The following MRPL15 variants were observed in gnomAD, a reference collection of about 807,000 sequenced individuals.
MRPL15 encodes the protein large ribosomal subunit protein uL15m.
MRPL15 carries 24 observed loss-of-function variants against 28.0 expected under a neutral mutation model. The ratio of observed to expected loss-of-function variants is 0.86; its 90% CI spans 0.62 to 1.21. The LOEUF (loss-of-function observed/expected upper bound fraction) is 1.21, where lower values mean the gene tolerates loss of function less well. MRPL15 is among the 50% of genes most tolerant of loss of function. The probability of loss-of-function intolerance (pLI) is 0.00; values close to 1 mark genes in which losing one functional copy is unlikely to be tolerated. For missense variants in MRPL15, 343 were observed against 372.4 expected (o/e 0.92, Z 0.65); for synonymous variants, 124 against 137.0 (o/e 0.90, Z 0.66).
Position 54,147,366 on chromosome 8 carries a change from T to A in MRPL15, c.554-16T>A. On this transcript the variant is annotated splice_polypyrimidine_tract_variant and intron_variant, in intron 4 of 4. Coordinates refer to ENST00000260102, the MANE Select transcript of MRPL15 (RefSeq NM_014175.4). ...AATATTTGCATCTCACTTTTTAAAT[T>A]TAAATTTTCTTTTAGACATTGTATG... The A allele has an allele frequency of 6.4e-7, 1 of 1,574,172 alleles. No homozygotes were observed.
At chr8:54,137,471 G>A (rs1201974503) in intron 3 of MRPL15, 38 bp downstream of exon 3, 7 of 1,592,362 alleles carry the variant, frequency 4.4e-6, no homozygotes, top group Non-Finnish European at 5.1e-6. Flanking sequence ...TATATAGGAG[G>A]ATTTTTTTTT....
At chr8:54,139,117 A>G (rs1346674847) in intron 3 of MRPL15, among the ~76,000 whole-genome samples, 4 of 152,080 alleles carry the variant, frequency 2.6e-5, no homozygotes, top group African/African-American at 4.8e-5. Flanking sequence ...CTCTTGTCTT[A>G]GCCTTCCAAG....
rs1383870632 is a variant in MRPL15, at chr8:54,137,329, C to A, written c.325C>A (p.Arg109Ser). Residue 109 changes from arginine (R) to serine (S), a missense_variant, in exon 3 of 5, where the codon CGT becomes AGT. Coordinates refer to ENST00000260102, the MANE Select transcript of MRPL15 (RefSeq NM_014175.4). The part of the protein sequence containing the change: ...NRLQYLIDLG[R>S]VDPSQPIDLT... ...ACTGCAGTATCTTATTGATTTGGGT[C>A]GTGTTGATCCTAGTCAACCTATTGA... The A allele has an allele frequency of 4.3e-6, 7 of 1,613,884 alleles. No individual in the cohort carries two copies. Among genetic ancestry groups the A allele is most frequent in the South Asian group, 2.2e-5 (2 of 91,060 alleles).
chr8:54,137,166 A>C (rs1294725402), intron 2 of MRPL15, 102 bp from the exon 3 acceptor site: 5 of 1,208,628 alleles, frequency 4.1e-6, no homozygotes, highest in African/African-American at 1.5e-5. Context: ...TTGTTTAGTT[A>C]AATAAAATTG....
chr8:54,146,551 G>A (rs1343647137), intron 4 of MRPL15, among the ~76,000 whole-genome samples: 4 of 152,160 alleles, frequency 2.6e-5, no homozygotes, highest in Non-Finnish European at 5.9e-5. Context: ...TGTGTGAATG[G>A]ATTCTGTGGA....
chr8:54,137,195 C>T, intron 2 of MRPL15, 73 bp from the exon 3 acceptor site: 1 of 1,450,342 alleles, frequency 6.9e-7, no homozygotes, highest in Non-Finnish European at 9.5e-7. Flanking sequence ...AAACACAAGA[C>T]AAAGCTTTGA....
intron 1 of MRPL15, 130 bp from the exon 2 acceptor site, chr8:54,136,381 T>G (rs776891262): frequency 1.2e-4 from 116 of 966,574 alleles, no homozygotes; most frequent in Admixed American, 4.4e-4. Flanking sequence ...AACTAGGACA[T>G]GCTTGACACA....
chr8:54,135,412 C>T, intron 1 of MRPL15, 21 bp downstream of exon 1: 1 of 1,520,066 alleles, frequency 6.6e-7, no homozygotes, highest in African/African-American at 1.4e-5. Flanking sequence ...GGTGGCGGTG[C>T]GGGGAAGCGC....
intron 3 of MRPL15, 82 bp downstream of exon 3, chr8:54,137,515 G>T: frequency 7.5e-7 from 1 of 1,327,906 alleles, no homozygotes; most frequent in Non-Finnish European, 1.0e-6. Context: ...CTGAGCTGGA[G>T]TACAGTGGCG....
chr8:54,146,530 A>G (rs570803582), intron 4 of MRPL15, among the ~76,000 whole-genome samples: 2 of 152,272 alleles, frequency 1.3e-5, no homozygotes, highest in African/African-American at 4.8e-5. Flanking sequence ...TTGTATACCA[A>G]ATACTATACA....
rs551012255 is a variant in MRPL15 at position 54,137,975 on chromosome 8, G to C, written c.429+542G>C. 2.6e-3 allele frequency among the ~76,000 whole-genome samples: 392 copies of C among 151,772 alleles called. 2 individuals carry two copies. The highest frequency in any genetic ancestry group is 9.0e-3 in the African/African-American group (371 of 41,386). On this transcript the variant is annotated intron_variant, in intron 3 of 4. Coordinates refer to ENST00000260102, the MANE Select transcript of MRPL15 (RefSeq NM_014175.4). ...CTTTTTTTTTTGTTTTTGTTTTTGA[G>C]ATGGAGTCTCGCTCTGTTGCCCAGG...
intron 4 of MRPL15, 162 bp downstream of exon 4, chr8:54,142,948 G>T (rs1810956151): frequency 1.9e-6 from 2 of 1,066,680 alleles, no homozygotes; most frequent in African/African-American, 3.2e-5. Flanking sequence ...ACAGCCTGTT[G>T]CTGACACATA....
intron 4 of MRPL15, among the ~76,000 whole-genome samples, chr8:54,145,403 G>C (rs1333265878): frequency 6.6e-6 from 1 of 151,892 alleles, no homozygotes; most frequent in Non-Finnish European, 1.5e-5. Flanking sequence ...TAAAGATAGG[G>C]GTCTTACTGT....
chr8:54,147,691 A>G lies in MRPL15; in HGVS notation c.863A>G (p.Glu288Gly), dbSNP rs535719727. ...AAGAAAATCCTAAAACCTACAGATG[A>G]AAATCTCCTTAAGTATTATACCTCA... is the stretch of plus-strand genomic sequence containing the variant. ...ADKKILKPTD[E>G]NLLKYYTS The change falls in exon 5 of 5, where the codon GAA becomes GGA. Residue 288 changes from glutamate to glycine, a missense_variant. Physicochemically the swap from Glu to Gly is moderately conservative, Grantham distance 98 (BLOSUM62 -2). Transcript: ENST00000260102. 9 of 1,613,398 alleles carry G rather than the reference A, an allele frequency of 5.6e-6. No individual in the cohort carries two copies. In the African/African-American group the frequency reaches 1.2e-4, roughly 22 times the overall value.
At chr8:54,137,956 T>TTTC (rs1810856751) in intron 3 of MRPL15, among the ~76,000 whole-genome samples, 1 of 152,036 alleles carries the variant, frequency 6.6e-6, no homozygotes, top group Non-Finnish European at 1.5e-5. Context: ...CCTTCTTTTT[T>TTTC]TTTTGTTTTT....
In MRPL15 at chr8:54,147,674, C is replaced by T. The variant is rs141899859; in HGVS notation, c.846C>T (p.Ile282=). ...GWVVNMADKK[I]LKPTDENLLK... is the part of the protein sequence containing the mutation. ...TGGTGAATATGGCCGATAAGAAAAT[C>T]CTAAAACCTACAGATGAAAATCTCC... Residue 282 remains isoleucine (I), a synonymous_variant, in exon 5 of 5, where the codon ATC becomes ATT. Transcript: ENST00000260102. 3.5e-5 allele frequency: 57 copies of T among 1,613,588 alleles called. No homozygotes were observed. The highest frequency in any genetic ancestry group is 4.7e-5 in the Non-Finnish European group (55 of 1,179,930).
At chr8:54,139,250 C>T (rs887174033) in intron 3 of MRPL15, among the ~76,000 whole-genome samples, 8 of 152,090 alleles carry the variant, frequency 5.3e-5, no homozygotes, top group Admixed American at 6.6e-5. Context: ...CCGCCTGCCT[C>T]GGCCTCCCAA....
intron 4 of MRPL15, 109 bp from the exon 5 acceptor site, chr8:54,147,271 CTG>C (rs1811058952): frequency 2.6e-6 from 2 of 763,150 alleles, no homozygotes; most frequent in African/African-American, 1.8e-5. Flanking sequence ...AAGAGAAACT[CTG>C]TAACATCTCT....
intron 3 of MRPL15, among the ~76,000 whole-genome samples, chr8:54,139,813 G>A (rs996869662): frequency 2.6e-5 from 4 of 152,134 alleles, no homozygotes; most frequent in African/African-American, 9.7e-5. Flanking sequence ...AAAGAAACCT[G>A]ATATAAAGAT....
Sources: gnomAD v4.1 joint callset for allele counts (sites outside exome capture counted in the v4.1 genomes callset) on GRCh38, gnomAD v4.1.1 for gene constraint, MANE v1.5 for transcripts, NCBI Gene and HGNC (gene_info 2026-07-23, HGNC 2026-07-21) for gene names.